Variants in TRPC6 observed in about 807,000 individuals in gnomAD.
TRPC6 encodes the protein short transient receptor potential channel 6.
Under a neutral mutation model 90.7 loss-of-function variants are expected in TRPC6, and 55 were observed. The observed-to-expected ratio is 0.61, with a 90% CI of 0.49 to 0.76. The LOEUF (loss-of-function observed/expected upper bound fraction) is 0.76. Among genes scored for constraint, TRPC6 ranks in the 30% least tolerant of loss-of-function variants. The pLI is 0.00. For synonymous variants in TRPC6, 393 were observed against 393.0 expected (o/e 1.00, Z 0.00); for missense variants, 989 against 1,122.7 (o/e 0.88, Z 1.70).
intron 2 of TRPC6, among the ~76,000 whole-genome samples, chr11:101,496,645 G>A (rs1249805861): frequency 6.6e-6 from 1 of 152,154 alleles, no homozygotes; most frequent in African/African-American, 2.4e-5. Flanking sequence ...ATAATGTCTG[G>A]TTAGCTTTTA....
At chr11:101,497,617 G>A (rs768871230) in intron 2 of TRPC6, among the ~76,000 whole-genome samples, 7 of 152,110 alleles carry the variant, frequency 4.6e-5, no homozygotes, top group Non-Finnish European at 8.8e-5. Context: ...AAAGGAGCTG[G>A]AAGACCTCCA....
At chr11:101,514,525 T>C (rs1333803616) in intron 1 of TRPC6, among the ~76,000 whole-genome samples, 1 of 152,074 alleles carries the variant, frequency 6.6e-6, no homozygotes, top group African/African-American at 2.4e-5. Flanking sequence ...CCCTGAAACA[T>C]GTTTATTATG....
At position 101,452,879 on chromosome 11, in the gene TRPC6, A is replaced by ACTT. The variant is rs1858794430; in HGVS notation, c.*73_*75dup. 2 of 1,570,618 alleles carry ACTT rather than the reference A, an allele frequency of 1.3e-6. No homozygotes were observed. The highest frequency in any genetic ancestry group is 1.7e-6 in the Non-Finnish European group (2 of 1,144,514). ...TTGTTTAAAAGGTGGGCCCATTGGC[A>ACTT]CTTAAGAAAATAAATCAGAAAATAA... On this transcript the variant is annotated 3_prime_UTR_variant, in exon 13 of 13. Coordinates refer to ENST00000344327, the MANE Select transcript of TRPC6 (RefSeq NM_004621.6).
chr11:101,491,832 C>T (rs924438854), intron 2 of TRPC6, 94 bp from the exon 3 acceptor site: 4 of 568,376 alleles, frequency 7.0e-6, no homozygotes, highest in East Asian at 4.0e-5. Flanking sequence ...TTAAGAGAAA[C>T]ATTCTTTTTT....
chr11:101,456,152 GA>G (rs1858879031), intron 10 of TRPC6, among the ~76,000 whole-genome samples: 1 of 151,986 alleles, frequency 6.6e-6, no homozygotes, highest in African/African-American at 2.4e-5. Flanking sequence ...TAACCAAAGA[GA>G]GGCAGTTTAG....
intron 10 of TRPC6, among the ~76,000 whole-genome samples, chr11:101,465,136 A>G (rs1479048964): frequency 6.6e-6 from 1 of 152,168 alleles, no homozygotes; most frequent in Admixed American, 6.5e-5. Flanking sequence ...TCTGGCTTGT[A>G]GGGTTTCTGC....
intron 1 of TRPC6, among the ~76,000 whole-genome samples, chr11:101,519,466 G>A (rs923079753): frequency 4.0e-5 from 6 of 151,744 alleles, no homozygotes; most frequent in African/African-American, 7.3e-5. Context: ...ATTTTCCACC[G>A]CTTTGAGGAC....
chr11:101,494,116 TA>T (rs923535872), intron 2 of TRPC6, among the ~76,000 whole-genome samples: 5 of 152,170 alleles, frequency 3.3e-5, no homozygotes, highest in African/African-American at 1.2e-4. Context: ...GCCCATTTTA[TA>T]AAATGGTCTG....
intron 6 of TRPC6, among the ~76,000 whole-genome samples, chr11:101,475,412 A>C: frequency 6.6e-6 from 1 of 152,124 alleles, no homozygotes. Context: ...GAATATTTAC[A>C]TTTTTGTGGT....
intron 12 of TRPC6, 45 bp downstream of exon 12, chr11:101,453,605 C>G (rs1358732151): frequency 6.3e-7 from 1 of 1,576,090 alleles, no homozygotes; most frequent in Non-Finnish European, 8.7e-7. Context: ...AGGCCCCCGT[C>G]CTGACTCACA....
chr11:101,506,401 T>C (rs904191106), intron 1 of TRPC6, among the ~76,000 whole-genome samples: 1 of 152,138 alleles, frequency 6.6e-6, no homozygotes, highest in African/African-American at 2.4e-5. Flanking sequence ...ATTCCACATC[T>C]CCAGACAGTG....
At chr11:101,489,835 A>T (rs909704033) in intron 3 of TRPC6, among the ~76,000 whole-genome samples, 9 of 152,166 alleles carry the variant, frequency 5.9e-5, no homozygotes, top group African/African-American at 1.9e-4. Flanking sequence ...AGTGAATCTT[A>T]AGGGTGGTTA....
chr11:101,518,162 G>C (rs1860565051), intron 1 of TRPC6, among the ~76,000 whole-genome samples: 1 of 152,164 alleles, frequency 6.6e-6, no homozygotes, highest in Non-Finnish European at 1.5e-5. Context: ...TGAAAGAAAA[G>C]CATCATTTGC....
At chr11:101,454,437 T>G (rs531189905) in intron 11 of TRPC6, among the ~76,000 whole-genome samples, 7 of 152,130 alleles carry the variant, frequency 4.6e-5, no homozygotes, top group African/African-American at 1.7e-4. Context: ...TAGACAAAAA[T>G]GAAACTTTAA....
Position 101,583,646 on chromosome 11 carries a change from G to T in TRPC6, c.-143C>A. ...TGCCCAGGGGACGACGGTGAAGCAGGGGGTGCAGACGCCCGCCGCAAGTGG... is the reference window on the plus strand; with the variant it reads ...TGCCCAGGGGACGACGGTGAAGCAGTGGGTGCAGACGCCCGCCGCAAGTGG... On this transcript the variant is annotated 5_prime_UTR_variant, in exon 1 of 13. Coordinates refer to ENST00000344327, the MANE Select transcript of TRPC6 (RefSeq NM_004621.6). 1 of 920,316 alleles carries T rather than the reference G, an allele frequency of 1.1e-6. No homozygotes were observed. The highest frequency in any genetic ancestry group is 1.5e-6 in the Non-Finnish European group (1 of 667,122). 57.0% of individuals were successfully genotyped at this position (920,316 alleles called of 1,614,324 possible). A position where few individuals can be genotyped will look rare whatever the true frequency, so the allele number is the denominator to read the frequency against.
In TRPC6 at chr11:101,548,280, A is replaced by ATATATATATAATT. The variant is rs71303295; in HGVS notation, c.170+35053_170+35054insAATTATATATATA. On this transcript the variant is annotated intron_variant, in intron 1 of 12. Coordinates refer to ENST00000344327, the MANE Select transcript of TRPC6 (RefSeq NM_004621.6). ...ATATATACATATATATATAATTTAT[A>ATATATATATAATT]TATATAATTATATATAATTGAAATA... Among the ~76,000 whole-genome samples, 810 of 135,360 alleles carry ATATATATATAATT rather than the reference A, an allele frequency of 6.0e-3. 19 individuals carry two copies. Among genetic ancestry groups the ATATATATATAATT allele is most frequent in the South Asian group, 9.7e-3 (44 of 4,540 alleles). 88.8% of individuals were successfully genotyped at this position (135,360 alleles called of 152,430 possible).
rs1859717432 is a variant in TRPC6, at chr11:101,488,063, T to C, written c.1293+874A>G. Reference sequence around the variant, plus strand: ...TAAGCACTGGAAGTAACCCAACTGATAGTTCTTTCTACATAGCACATTAAT... The same window carrying C: ...TAAGCACTGGAAGTAACCCAACTGACAGTTCTTTCTACATAGCACATTAAT... On this transcript the variant is annotated intron_variant, in intron 4 of 12. Transcript: ENST00000344327. Among the ~76,000 whole-genome samples, 3 of 152,322 alleles carry C rather than the reference T, an allele frequency of 2.0e-5. No individual in the cohort carries two copies. In the South Asian group the frequency reaches 6.2e-4, roughly 32 times the overall value.
chr11:101,452,960 T>C lies in TRPC6; in HGVS notation c.2791A>G (p.Arg931Gly). Residue 931 changes from arginine to glycine, a missense_variant, in exon 13 of 13, where the codon AGA becomes GGA. Physicochemically the swap from Arg to Gly is moderately radical, Grantham distance 125. Coordinates refer to ENST00000344327, the MANE Select transcript of TRPC6 (RefSeq NM_004621.6). Reference protein sequence around the residue: ...SMEPNQEETNR With the variant: ...SMEPNQEETNG ...TTTCTAAGGAAGTCTTCGCATTATC[T>C]ATTGGTTTCCTCTTGATTTGGTTCC... The C allele has an allele frequency of 6.2e-7, 1 of 1,613,812 alleles. No individual in the cohort carries two copies. The highest frequency in any genetic ancestry group is 2.2e-5 in the East Asian group (1 of 44,852).
intron 6 of TRPC6, among the ~76,000 whole-genome samples, chr11:101,475,864 A>G (rs1013006696): frequency 3.2e-4 from 25 of 77,456 alleles, no homozygotes; most frequent in South Asian, 1.1e-3. Flanking sequence ...ACACACACAC[A>G]TGTGTGTACA....
Sources: gnomAD v4.1 joint callset for allele counts (sites outside exome capture counted in the v4.1 genomes callset) on GRCh38, gnomAD v4.1.1 for gene constraint, MANE v1.5 for transcripts, NCBI Gene and HGNC (gene_info 2026-07-23, HGNC 2026-07-21) for gene names.